The following ST3GAL4 variants were observed in gnomAD, a reference collection of about 807,000 sequenced individuals.
ST3GAL4 encodes the protein CMP-N-acetylneuraminate-beta-galactosamide-alpha-2,3-sialyltransferase 4.
In ST3GAL4, 24 loss-of-function variants were observed where a neutral mutation model predicts 42.6. The ratio of observed to expected loss-of-function variants is 0.56; its 90% CI spans 0.41 to 0.79. The LOEUF (loss-of-function observed/expected upper bound fraction) is 0.79. Among genes scored for constraint, ST3GAL4 ranks in the 30% least tolerant of loss-of-function variants. ST3GAL4 has a pLI of 0.00. For missense variants in ST3GAL4, 311 were observed against 430.8 expected (o/e 0.72, Z 2.46); for synonymous variants, 135 against 163.2 (o/e 0.83, Z 1.32).
chr11:126,401,528 C>T lies in ST3GAL4; in HGVS notation c.-60-4568C>T, dbSNP rs189965165. On this transcript the variant is annotated intron_variant, in intron 1 of 10. Transcript: ENST00000444328. ...GTGGGTTCGTGCCACTTCACTCCAG[C>T]CTGGGTGACAGAGGGAGACTCCCTC... Among the ~76,000 whole-genome samples the T allele has an allele frequency of 3.3e-5, 5 of 151,176 alleles. No homozygotes were observed. The East Asian group carries it at 7.8e-4, about 24-fold the overall frequency.
chr11:126,366,547 T>C lies in ST3GAL4; in HGVS notation c.-61+10705T>C, dbSNP rs1013690109. Among the ~76,000 whole-genome samples the C allele has an allele frequency of 6.6e-6, 1 of 152,162 alleles. No individual in the cohort carries two copies. ...CGCTTCCCACGTCTTCATTGAGTCC[T>C]CATCTGGGGGCCCTGTTCCACTCTC... On this transcript the variant is annotated intron_variant, in intron 1 of 10. Coordinates refer to ENST00000444328, the MANE Select transcript of ST3GAL4 (RefSeq NM_001254757.2). This position sits in a 1 kb window ranked among gnomAD's most constrained non-coding sequence, Gnocchi z 4.2.
Position 126,379,455 on chromosome 11 carries a change from G to T in ST3GAL4, c.-61+23613G>T, listed in dbSNP as rs1483955940. 1.3e-5 allele frequency among the ~76,000 whole-genome samples: 2 copies of T among 152,068 alleles called. No homozygotes were observed. The highest frequency in any genetic ancestry group is 6.5e-5 in the Admixed American group (1 of 15,276). On this transcript the variant is annotated intron_variant, in intron 1 of 10. Transcript: ENST00000444328. This position sits in a 1 kb window ranked among gnomAD's most constrained non-coding sequence, Gnocchi z 4.2. ...ACTTTTATGGAAGGATTTCTCTTGG[G>T]TATCCTTAATTTTGTTTTTATATTA...
chr11:126,394,517 C>T (rs1430226642), intron 1 of ST3GAL4, among the ~76,000 whole-genome samples: 5 of 152,172 alleles, frequency 3.3e-5, no homozygotes, highest in South Asian at 2.1e-4. Flanking sequence ...CTCCACCTCC[C>T]GGGCTCAAGT....
chr11:126,381,078 G>C (rs1340172448), intron 1 of ST3GAL4, among the ~76,000 whole-genome samples: 1 of 152,164 alleles, frequency 6.6e-6, no homozygotes, highest in Non-Finnish European at 1.5e-5. Context: ...TCCCCAACCC[G>C]GGCCTGTGGT....
rs907963834 is a variant in ST3GAL4, at chr11:126,410,023, C to T, written c.771+612C>T. Among the ~76,000 whole-genome samples, 1 of 152,148 alleles carries T rather than the reference C, an allele frequency of 6.6e-6. No homozygotes were observed. Among genetic ancestry groups the T allele is most frequent in the Non-Finnish European group, 1.5e-5 (1 of 68,018 alleles). On this transcript the variant is annotated intron_variant, in intron 9 of 10. Transcript: ENST00000444328. This position sits in a 1 kb window ranked among gnomAD's most constrained non-coding sequence, Gnocchi z 5.3. ...GCTCAGGTGATCCTTCTGCCTCAGC[C>T]TCCTGAGTAGCTGTGAGACTACAGG...
intron 1 of ST3GAL4, chr11:126,358,483 C>T: frequency 4.4e-6 from 2 of 454,982 alleles, no homozygotes; most frequent in Non-Finnish European, 8.8e-6. Flanking sequence ...CAGAATCACC[C>T]CAACCCCTGC....
intron 1 of ST3GAL4, among the ~76,000 whole-genome samples, chr11:126,369,260 G>T (rs556358425): frequency 1.8e-4 from 28 of 151,748 alleles, no homozygotes; most frequent in Non-Finnish European, 3.7e-4. Flanking sequence ...TTTTTTTGGG[G>T]GGGGGAGGCA....
Position 126,400,255 on chromosome 11 carries a change from G to A in ST3GAL4, c.-60-5841G>A, listed in dbSNP as rs1277702204. Among the ~76,000 whole-genome samples the A allele has an allele frequency of 2.6e-5, 4 of 152,250 alleles. No individual in the cohort carries two copies. Among genetic ancestry groups the A allele is most frequent in the African/African-American group, 9.6e-5 (4 of 41,458 alleles). On this transcript the variant is annotated intron_variant, in intron 1 of 10. Coordinates refer to ENST00000444328, the MANE Select transcript of ST3GAL4 (RefSeq NM_001254757.2). This position sits in a 1 kb window ranked among gnomAD's most constrained non-coding sequence, Gnocchi z 4.6. ...CTTCTTGCTGCATCATCCCATGGTG[G>A]AGAGTGGAATGGCAAGACAGATCAA...
rs1002514718 is a variant in ST3GAL4 at position 126,383,885 on chromosome 11, C to T, written c.-60-22211C>T. Among the ~76,000 whole-genome samples the T allele has an allele frequency of 7.9e-5, 12 of 152,162 alleles. No individual in the cohort carries two copies. Among genetic ancestry groups the T allele is most frequent in the Middle Eastern group, 3.2e-3 (1 of 316 alleles). Reference sequence around the variant, plus strand: ...ACCTTTACTCTGAGGGGGTGGGCTTCCTGCGGGGGACAAACTGGAGAGGGA... The same window carrying T: ...ACCTTTACTCTGAGGGGGTGGGCTTTCTGCGGGGGACAAACTGGAGAGGGA... On this transcript the variant is annotated intron_variant, in intron 1 of 10. Coordinates refer to ENST00000444328, the MANE Select transcript of ST3GAL4 (RefSeq NM_001254757.2). The surrounding 1 kb of genome is among the most constrained non-coding windows in gnomAD (Gnocchi z 4.5).
Position 126,409,156 on chromosome 11 carries a change from A to C in ST3GAL4, c.628-112A>C. 7.4e-7 allele frequency: 1 copy of C among 1,348,606 alleles called. No individual in the cohort carries two copies. Among genetic ancestry groups the C allele is most frequent in the Non-Finnish European group, 1.0e-6 (1 of 966,110 alleles). 83.5% of individuals were successfully genotyped at this position (1,348,606 alleles called of 1,614,324 possible). On this transcript the variant is annotated intron_variant, in intron 8 of 10. Coordinates refer to ENST00000444328, the MANE Select transcript of ST3GAL4 (RefSeq NM_001254757.2). The surrounding 1 kb of genome is among the most constrained non-coding windows in gnomAD (Gnocchi z 4.9). ...CCTTTCCTCTCACCTTGTGCTCCTG[A>C]AGGCCTCTGCCATCGCTTGGACCCC...
intron 1 of ST3GAL4, chr11:126,375,166 T>C (rs1591435128): frequency 6.6e-6 from 1 of 152,094 alleles, no homozygotes; most frequent in Non-Finnish European, 1.5e-5. Flanking sequence ...CAAAAAATGG[T>C]CGGATTCATG....
At chr11:126,357,183 T>C (rs1952100617) in intron 1 of ST3GAL4, among the ~76,000 whole-genome samples, 1 of 152,124 alleles carries the variant, frequency 6.6e-6, no homozygotes, top group African/African-American at 2.4e-5. Context: ...CCTTGACCGT[T>C]CCCTGCCCTG....
In ST3GAL4 at chr11:126,413,543, C is replaced by A. The variant is rs1233958860; in HGVS notation, c.810C>A (p.Leu270=). ...TTGLLAITLA[L]HLCDLVHIAG... The stretch of plus-strand genomic sequence containing the variant: ...GCCTGTTGGCCATCACGCTGGCCCT[C>A]CACCTCTGTGACTTGGTGCACATTG... Residue 270 remains leucine (L), a synonymous_variant, in exon 10 of 11, where the codon CTC becomes CTA. Coordinates refer to ENST00000444328, the MANE Select transcript of ST3GAL4 (RefSeq NM_001254757.2). The A allele has an allele frequency of 6.2e-7, 1 of 1,614,262 alleles. No homozygotes were observed. The highest frequency in any genetic ancestry group is 8.5e-7 in the Non-Finnish European group (1 of 1,180,052).
chr11:126,360,710 C>T (rs1409174958), intron 1 of ST3GAL4, among the ~76,000 whole-genome samples: 1 of 152,232 alleles, frequency 6.6e-6, no homozygotes, highest in African/African-American at 2.4e-5. Flanking sequence ...GCGTGAGCCA[C>T]CGTGCCCAGC....
chr11:126,411,015 C>T lies in ST3GAL4; in HGVS notation c.771+1604C>T, dbSNP rs1954501620. ...CAGTACAAGTGGCGTTGAAGGGCAA[C>T]AAGGAGTTTCATGCCATTCATAGGA... On this transcript the variant is annotated intron_variant, in intron 9 of 10. Coordinates refer to ENST00000444328, the MANE Select transcript of ST3GAL4 (RefSeq NM_001254757.2). This position sits in a 1 kb window ranked among gnomAD's most constrained non-coding sequence, Gnocchi z 6.3. 6.6e-6 allele frequency among the ~76,000 whole-genome samples: 1 copy of T among 152,104 alleles called. No homozygotes were observed. The highest frequency in any genetic ancestry group is 2.4e-5 in the African/African-American group (1 of 41,410).
chr11:126,361,513 C>T (rs958216385), intron 1 of ST3GAL4, among the ~76,000 whole-genome samples: 1 of 152,074 alleles, frequency 6.6e-6, no homozygotes, highest in Non-Finnish European at 1.5e-5. Flanking sequence ...TTGGTAATGA[C>T]CTTGCTAGAC....
In ST3GAL4 at chr11:126,386,178, C is replaced by G. The variant is rs12271752; in HGVS notation, c.-60-19918C>G. On this transcript the variant is annotated intron_variant, in intron 1 of 10. Transcript: ENST00000444328. The surrounding 1 kb of genome is among the most constrained non-coding windows in gnomAD (Gnocchi z 4.7). ...AGACATGGTTCTATCCCCCCAGTGGCCAAGGGCTGGTGGCCCTCACTCTCT... is the reference window on the plus strand; with the variant it reads ...AGACATGGTTCTATCCCCCCAGTGGGCAAGGGCTGGTGGCCCTCACTCTCT... 6.4e-3 allele frequency among the ~76,000 whole-genome samples: 981 copies of G among 152,286 alleles called. 13 individuals carry two copies. Among genetic ancestry groups the G allele is most frequent in the African/African-American group, 0.02 (833 of 41,548 alleles).
intron 1 of ST3GAL4, among the ~76,000 whole-genome samples, chr11:126,387,673 CAAAA>C (rs1015589992): frequency 8.6e-6 from 1 of 116,110 alleles, no homozygotes; most frequent in African/African-American, 3.0e-5. Context: ...GACTCTGTCT[CAAAA>C]AAAAAAAAAA....
intron 4 of ST3GAL4, 30 bp from the exon 5 acceptor site, chr11:126,407,222 C>T (rs752403502): frequency 6.2e-7 from 1 of 1,609,442 alleles, no homozygotes; most frequent in South Asian, 1.1e-5. Context: ...ATTCTGTTCT[C>T]ATCCCCACCC....
Sources: allele counts gnomAD v4.1 joint callset (sites outside exome capture counted in the v4.1 genomes callset), GRCh38; gene constraint gnomAD v4.1.1; non-coding constraint Gnocchi (gnomAD v3.1); transcripts MANE v1.5; gene names NCBI Gene and HGNC (gene_info 2026-07-23, HGNC 2026-07-21).